The following IL4R variants were observed in gnomAD, a reference collection of about 807,000 sequenced individuals.
IL4R encodes interleukin-4 receptor subunit alpha.
Under a neutral mutation model 41.5 loss-of-function variants are expected in IL4R, and 17 were observed. The ratio of observed to expected loss-of-function variants is 0.41; its 90% CI spans 0.28 to 0.61. IL4R has a LOEUF of 0.61. IL4R is among the 20% of genes least tolerant of loss of function. IL4R has a pLI of 0.31. For missense variants in IL4R, 974 were observed against 1,043.1 expected (o/e 0.93, Z 0.91); for synonymous variants, 402 against 422.9 (o/e 0.95, Z 0.61).
At chr16:27,320,464 G>C (rs965728930) in intron 1 of IL4R, among the ~76,000 whole-genome samples, 1 of 152,200 alleles carries the variant, frequency 6.6e-6, no homozygotes, top group Non-Finnish European at 1.5e-5. Context: ...ATGGAGATGA[G>C]TGGGTGTCCT....
intron 1 of IL4R, among the ~76,000 whole-genome samples, chr16:27,329,218 C>T (rs2085045160): frequency 6.6e-6 from 1 of 152,106 alleles, no homozygotes; most frequent in African/African-American, 2.4e-5. Context: ...TCCCTGAGGC[C>T]TCCCCAGAAG....
chr16:27,333,716 C>T (rs931882474), intron 2 of IL4R, among the ~76,000 whole-genome samples: 1 of 152,062 alleles, frequency 6.6e-6, no homozygotes, highest in Non-Finnish European at 1.5e-5. Context: ...TCCAATGGCT[C>T]TGCTTAACTG....
chr16:27,315,874 C>T (rs1193081075), intron 1 of IL4R, among the ~76,000 whole-genome samples: 1 of 152,180 alleles, frequency 6.6e-6, no homozygotes, highest in Non-Finnish European at 1.5e-5. Flanking sequence ...GGGAGGAAAA[C>T]CTGCAGTCAC....
intron 1 of IL4R, among the ~76,000 whole-genome samples, chr16:27,320,196 T>C (rs1268462154): frequency 6.6e-6 from 1 of 152,202 alleles, no homozygotes; most frequent in Non-Finnish European, 1.5e-5. Flanking sequence ...GAGACTCTAA[T>C]GCCTGATGAT....
intron 10 of IL4R, chr16:27,361,160 A>G: frequency 1.7e-6 from 1 of 572,384 alleles, no homozygotes. Context: ...TTTTTAATAT[A>G]CAGGATCTCA....
chr16:27,342,663 T>A (rs1243412288), intron 4 of IL4R, among the ~76,000 whole-genome samples: 3 of 152,082 alleles, frequency 2.0e-5, no homozygotes, highest in Non-Finnish European at 4.4e-5. Flanking sequence ...CAATTAAAAA[T>A]TTTTTTTCTT....
At position 27,363,566 on chromosome 16, in the gene IL4R, C is replaced by A. The variant is rs1242300041; in HGVS notation, c.2214C>A (p.Val738=). 1 of 1,614,070 alleles carries A rather than the reference C, an allele frequency of 6.2e-7. No individual in the cohort carries two copies. The highest frequency in any genetic ancestry group is 8.5e-7 in the Non-Finnish European group (1 of 1,180,034). The change falls in exon 11 of 11, where the codon GTC becomes GTA. Residue 738 remains valine, a synonymous_variant. Transcript: ENST00000395762. ...AGGAGGATGGTGGCCAGACCCCTGT[C>A]ATGGCCAGTCCTTGCTGTGGCTGCT... is the stretch of plus-strand genomic sequence containing the variant. The part of the protein sequence containing the change: ...HGQEDGGQTP[V]MASPCCGCCC...
chr16:27,344,327 AC>A (rs1322016694), intron 4 of IL4R, among the ~76,000 whole-genome samples: 2 of 150,640 alleles, frequency 1.3e-5, no homozygotes, highest in Non-Finnish European at 3.0e-5. Context: ...AAAACAAAAA[AC>A]AAAAAACTCG....
chr16:27,321,022 C>A (rs991576143), intron 1 of IL4R, among the ~76,000 whole-genome samples: 8 of 151,686 alleles, frequency 5.3e-5, no homozygotes, highest in African/African-American at 1.9e-4. Flanking sequence ...CAGCTCACTG[C>A]AATCTCTGCC....
chr16:27,342,746 C>A (rs3024546), intron 4 of IL4R, among the ~76,000 whole-genome samples: 18,363 of 152,124 alleles, frequency 0.12, 1,243 homozygotes, highest in Middle Eastern at 0.16. Flanking sequence ...CTCCTGCCTC[C>A]GCCTCCCAAA....
chr16:27,352,404 T>TGAG, intron 6 of IL4R, 136 bp from the exon 7 acceptor site: 1 of 676,724 alleles, frequency 1.5e-6, no homozygotes. Flanking sequence ...AGCAATGGCC[T>TGAG]GAACAGGACG....
chr16:27,336,844 T>C (rs12708699), intron 2 of IL4R, among the ~76,000 whole-genome samples: 27,004 of 151,932 alleles, frequency 0.18, 3,076 homozygotes, highest in African/African-American at 0.31. Context: ...TTTGGGAGGC[T>C]GAGGCAGGCG....
chr16:27,314,650 G>T (rs1055933758), intron 1 of IL4R, among the ~76,000 whole-genome samples: 1 of 152,098 alleles, frequency 6.6e-6, no homozygotes, highest in Non-Finnish European at 1.5e-5. Flanking sequence ...CTAAGGTGCC[G>T]CCCACTTGGG....
At chr16:27,355,011 T>C (rs1250136410) in intron 7 of IL4R, 2 of 467,876 alleles carry the variant, frequency 4.3e-6, no homozygotes, top group Admixed American at 4.7e-5. Flanking sequence ...CCCTCATTCA[T>C]TATTTCAGCA....
intron 2 of IL4R, among the ~76,000 whole-genome samples, chr16:27,330,455 C>A (rs942385533): frequency 6.6e-6 from 1 of 151,856 alleles, no homozygotes; most frequent in South Asian, 2.1e-4. Context: ...TGCTGTTCCC[C>A]CCGAGGGCAA....
In IL4R at chr16:27,363,149, A is replaced by G; in HGVS notation, c.1797A>G (p.Gly599=). The G allele has an allele frequency of 1.2e-6, 2 of 1,613,308 alleles. No homozygotes were observed. The highest frequency in any genetic ancestry group is 1.7e-6 in the Non-Finnish European group (2 of 1,179,596). Residue 599 remains glycine, a synonymous_variant, in exon 11 of 11, where the codon GGA becomes GGG. Coordinates refer to ENST00000395762, the MANE Select transcript of IL4R (RefSeq NM_000418.4). ...ASAVVGLGPP[G]EAGYKAFSSL... The stretch of plus-strand genomic sequence containing the variant: ...CGGTGGTGGGCTTGGGTCCCCCAGG[A>G]GAGGCTGGTTACAAGGCCTTCTCAA...
At chr16:27,347,540 G>C (rs2085694701) in intron 6 of IL4R, among the ~76,000 whole-genome samples, 1 of 152,192 alleles carries the variant, frequency 6.6e-6, no homozygotes, top group African/African-American at 2.4e-5. Context: ...AAAAGGGCGA[G>C]AGGATTTACA....
chr16:27,313,923 A>G (rs1266825879), upstream of IL4R: 1 of 984,338 alleles, frequency 1.0e-6, no homozygotes, highest in Admixed American at 6.2e-5. Flanking sequence ...CTCCGCGCCC[A>G]GGAAAGCCCC....
intron 2 of IL4R, among the ~76,000 whole-genome samples, chr16:27,335,814 T>C (rs752873712): frequency 1.3e-5 from 2 of 152,058 alleles, no homozygotes; most frequent in African/African-American, 2.4e-5. Context: ...GGCATGATAA[T>C]CAAATGTGAT....
Sources: gnomAD v4.1 joint callset for allele counts (sites outside exome capture counted in the v4.1 genomes callset) on GRCh38, gnomAD v4.1.1 for gene constraint, MANE v1.5 for transcripts, NCBI Gene and HGNC (gene_info 2026-07-23, HGNC 2026-07-21) for gene names.